Variants in CAMKK1 observed in about 807,000 individuals in gnomAD.
The protein encoded by CAMKK1 is calcium/calmodulin-dependent protein kinase kinase 1.
A neutral mutation model predicts 63.5 loss-of-function variants in CAMKK1; 20 were observed. That is an observed-to-expected ratio of 0.32 (90% CI 0.22 to 0.46). The LOEUF (loss-of-function observed/expected upper bound fraction) is 0.46. Among genes scored for constraint, CAMKK1 ranks in the 20% least tolerant of loss-of-function variants. CAMKK1 has a pLI of 1.00. For missense variants in CAMKK1, 588 were observed against 658.1 expected, an observed-to-expected ratio of 0.89 and a Z score of 1.17; for synonymous variants, 253 against 269.0, an observed-to-expected ratio of 0.94 and a Z score of 0.58.
Position 3,883,754 on chromosome 17 carries a change from A to C in CAMKK1, c.462+130T>G. 1 of 866,358 alleles carries C rather than the reference A, an allele frequency of 1.2e-6. No homozygotes were observed. Among genetic ancestry groups the C allele is most frequent in the Non-Finnish European group, 1.9e-6 (1 of 524,962 alleles). The allele number at this position is 866,358 out of a possible 1,614,324, so 53.7% of individuals were successfully genotyped here. A position where few individuals can be genotyped will look rare whatever the true frequency, so the allele number is the denominator to read the frequency against. Reference sequence around the variant, plus strand: ...AGGGTTAGGAAGCTCATTCCTTTGCATACCCCTAGGGACAGGGAGCTCACT... The same window carrying C: ...AGGGTTAGGAAGCTCATTCCTTTGCCTACCCCTAGGGACAGGGAGCTCACT... On this transcript the variant is annotated intron_variant, in intron 4 of 15. Coordinates refer to ENST00000348335, the MANE Select transcript of CAMKK1 (RefSeq NM_032294.3). The surrounding 1 kb of genome is among the most constrained non-coding windows in gnomAD (Gnocchi z 4.7).
Position 3,883,868 on chromosome 17 carries a change from G to A in CAMKK1, c.462+16C>T, listed in dbSNP as rs201223383. The A allele has an allele frequency of 3.0e-5, 48 of 1,613,078 alleles. No individual in the cohort carries two copies. Among genetic ancestry groups the A allele is most frequent in the Admixed American group, 8.3e-5 (5 of 59,976 alleles). On this transcript the variant is annotated intron_variant, in intron 4 of 15. Transcript: ENST00000348335. This position sits in a 1 kb window ranked among gnomAD's most constrained non-coding sequence, Gnocchi z 4.7. ...GCCTGGCTTGGGCAACACCTCCCTC[G>A]TATCCCCAGACTCACATAGTGTCTG...
chr17:3,882,160 AG>A lies in CAMKK1; in HGVS notation c.685+367del, dbSNP rs543652797. 1.1e-4 allele frequency: 87 copies of A among 771,818 alleles called. No homozygotes were observed. In the African/African-American group the frequency reaches 1.4e-3, roughly 12 times the overall value. 47.8% of individuals were successfully genotyped at this position (771,818 alleles called of 1,614,324 possible). ...ATTTACTCTTCACAGGAACCCTATG[AG>A]GTAGACACCACTAGTATCCCTGTTT... is the stretch of plus-strand genomic sequence containing the variant. On this transcript the variant is annotated intron_variant, in intron 7 of 15. Transcript: ENST00000348335. The surrounding 1 kb of genome is among the most constrained non-coding windows in gnomAD (Gnocchi z 4.3).
At chr17:3,888,018 T>C (rs1362034044) in intron 1 of CAMKK1, among the ~76,000 whole-genome samples, 3 of 152,214 alleles carry the variant, frequency 2.0e-5, no homozygotes, top group Non-Finnish European at 2.9e-5. Context: ...AAATGAGTGG[T>C]TGCCATAGTG....
At position 3,872,548 on chromosome 17, in the gene CAMKK1, A is replaced by G; in HGVS notation, c.1124+6T>C. 1 of 1,612,270 alleles carries G rather than the reference A, an allele frequency of 6.2e-7. No individual in the cohort carries two copies. The highest frequency in any genetic ancestry group is 8.5e-7 in the Non-Finnish European group (1 of 1,178,442). ...GCCCCCTTGTTCCCCTGGGTGGACA[A>G]CTCACTCCTCAGGAAACACCACGGG... On this transcript the variant is annotated splice_donor_region_variant and intron_variant, in intron 12 of 15. Transcript: ENST00000348335.
At chr17:3,885,862 C>T in intron 1 of CAMKK1, 132 bp from the exon 2 acceptor site, 1 of 876,802 alleles carries the variant, frequency 1.1e-6, no homozygotes, top group South Asian at 1.7e-5. Context: ...TTGCCAACAC[C>T]CAAACTCAAG....
intron 10 of CAMKK1, among the ~76,000 whole-genome samples, chr17:3,875,575 G>A (rs1277690977): frequency 1.3e-5 from 2 of 152,066 alleles, no homozygotes; most frequent in Admixed American, 6.5e-5. Flanking sequence ...GAGCCACTGT[G>A]CCCGGCCTCC....
chr17:3,875,719 G>C (rs973598102), intron 10 of CAMKK1, among the ~76,000 whole-genome samples: 32 of 152,172 alleles, frequency 2.1e-4, no homozygotes, highest in Admixed American at 3.9e-4. Flanking sequence ...GTAACCTCTT[G>C]TTCAGACAAC....
chr17:3,869,697 C>T (rs372864691), intron 13 of CAMKK1, 82 bp from the exon 14 acceptor site: 2 of 1,607,512 alleles, frequency 1.2e-6, no homozygotes, highest in Non-Finnish European at 8.5e-7. Context: ...AGTCCACAGA[C>T]TCAAACCCAA....
chr17:3,873,982 C>T (rs1163151857), intron 10 of CAMKK1, among the ~76,000 whole-genome samples: 2 of 152,190 alleles, frequency 1.3e-5, no homozygotes, highest in African/African-American at 4.8e-5. Flanking sequence ...CCCTGGGCCT[C>T]CCCGCGCCCT....
chr17:3,883,393 T>C lies in CAMKK1; in HGVS notation c.514+36A>G. On this transcript the variant is annotated intron_variant, in intron 5 of 15. Coordinates refer to ENST00000348335, the MANE Select transcript of CAMKK1 (RefSeq NM_032294.3). This position sits in a 1 kb window ranked among gnomAD's most constrained non-coding sequence, Gnocchi z 4.7. ...GAGGTCTCCTCCTCTGCCTCCAGGC[T>C]AGGAGCTCCCAGGGACAGGATCAGA... is the stretch of plus-strand genomic sequence containing the variant. 1 of 1,601,504 alleles carries C rather than the reference T, an allele frequency of 6.2e-7. No individual in the cohort carries two copies. The highest frequency in any genetic ancestry group is 1.3e-5 in the African/African-American group (1 of 74,738).
rs1321834098 is a variant in CAMKK1 at position 3,892,614 on chromosome 17, G to T, written c.-44+325C>A. On this transcript the variant is annotated intron_variant, in intron 1 of 15. Coordinates refer to ENST00000348335, the MANE Select transcript of CAMKK1 (RefSeq NM_032294.3). This position sits in a 1 kb window ranked among gnomAD's most constrained non-coding sequence, Gnocchi z 7.5. ...GCCGGGCCCACTCCGCACAGACGTG[G>T]CCTCCACCAGGAGCCGGGCGCGGGG... Among the ~76,000 whole-genome samples, 3 of 152,208 alleles carry T rather than the reference G, an allele frequency of 2.0e-5. No homozygotes were observed. Among genetic ancestry groups the T allele is most frequent in the African/African-American group, 7.2e-5 (3 of 41,464 alleles).
At chr17:3,865,803 G>A in intron 15 of CAMKK1, 105 bp downstream of exon 15, 1 of 1,542,800 alleles carries the variant, frequency 6.5e-7, no homozygotes, top group Non-Finnish European at 8.7e-7. Flanking sequence ...CAAGTCCCCA[G>A]GCTCTGGCCT....
intron 1 of CAMKK1, among the ~76,000 whole-genome samples, chr17:3,891,536 C>T (rs2055903351): frequency 6.6e-6 from 1 of 152,068 alleles, no homozygotes; most frequent in Admixed American, 6.6e-5. Context: ...GGTGCAAACG[C>T]CATGAGGGGA....
chr17:3,881,896 G>T (rs536480680), intron 7 of CAMKK1: 122 of 553,060 alleles, frequency 2.2e-4, no homozygotes, highest in Non-Finnish European at 3.7e-4. Context: ...CCCTTTTACA[G>T]AGGGGGAAAC....
intron 9 of CAMKK1, among the ~76,000 whole-genome samples, chr17:3,876,720 A>G (rs1265953804): frequency 6.6e-6 from 1 of 151,332 alleles, no homozygotes; most frequent in African/African-American, 2.4e-5. Flanking sequence ...GGTCAGAGGA[A>G]ACTAGGGCAG....
At chr17:3,868,790 C>T (rs1172406473) in intron 14 of CAMKK1, among the ~76,000 whole-genome samples, 1 of 151,598 alleles carries the variant, frequency 6.6e-6, no homozygotes, top group Non-Finnish European at 1.5e-5. Flanking sequence ...GTAGCTGGGA[C>T]TACAGGTGCC....
chr17:3,874,938 G>T (rs1028846285), intron 10 of CAMKK1, among the ~76,000 whole-genome samples: 2 of 151,274 alleles, frequency 1.3e-5, no homozygotes, highest in Non-Finnish European at 2.9e-5. Context: ...TGGCTAACAC[G>T]GTGAAACCCC....
At chr17:3,888,236 T>G (rs2055742628) in intron 1 of CAMKK1, among the ~76,000 whole-genome samples, 1 of 152,212 alleles carries the variant, frequency 6.6e-6, no homozygotes, top group African/African-American at 2.4e-5. Context: ...GCGTATTTCC[T>G]TGAGGTTGCC....
chr17:3,881,892 T>C (rs1387595395), intron 7 of CAMKK1: 2 of 552,642 alleles, frequency 3.6e-6, no homozygotes, highest in Non-Finnish European at 3.2e-6. Flanking sequence ...GGGGCCCTTT[T>C]ACAGAGGGGG....
Sources: gnomAD v4.1 joint callset for allele counts (sites outside exome capture counted in the v4.1 genomes callset) on GRCh38, gnomAD v4.1.1 for gene constraint, Gnocchi (gnomAD v3.1) non-coding constraint, MANE v1.5 for transcripts, NCBI Gene and HGNC (gene_info 2026-07-23, HGNC 2026-07-21) for gene names.